The following TMCC3 variants were observed in gnomAD, a reference collection of about 807,000 sequenced individuals.
TMCC3 encodes transmembrane and coiled-coil domain family 3, also known as transmembrane and coiled-coil domain protein 3.
Under a neutral mutation model 40.2 loss-of-function variants are expected in TMCC3, and 28 were observed. That is an observed-to-expected ratio of 0.70 (90% CI 0.52 to 0.95). TMCC3 has a LOEUF of 0.95. Ranked by LOEUF, TMCC3 falls within the 40% of genes least tolerant of loss-of-function variation. The pLI is 0.00. For synonymous variants in TMCC3, 255 were observed against 248.5 expected, an observed-to-expected ratio of 1.03 and a Z score of -0.25; for missense variants, 554 against 615.2, an observed-to-expected ratio of 0.90 and a Z score of 1.05.
chr12:94,571,170 G>T lies in TMCC3; in HGVS notation c.*265C>A. 1 of 486,464 alleles carries T rather than the reference G, an allele frequency of 2.1e-6. No individual in the cohort carries two copies. The highest frequency in any genetic ancestry group is 3.7e-6 in the Non-Finnish European group (1 of 269,262). 30.1% of individuals were successfully genotyped at this position (486,464 alleles called of 1,614,324 possible). ...TCAATATACAGAGGTTTACCACGCT[G>T]GGCTGGTCAGGTGGGCAGGAAATCG... On this transcript the variant is annotated 3_prime_UTR_variant, in exon 4 of 4. Coordinates refer to ENST00000261226, the MANE Select transcript of TMCC3 (RefSeq NM_020698.4).
At chr12:94,594,047 A>G (rs2068699874) in intron 1 of TMCC3, among the ~76,000 whole-genome samples, 1 of 152,118 alleles carries the variant, frequency 6.6e-6, no homozygotes, top group South Asian at 2.1e-4. Context: ...CAACACCCAA[A>G]AAAGGCAACT....
intron 1 of TMCC3, chr12:94,609,839 A>T (rs2068804822): frequency 6.6e-6 from 1 of 152,316 alleles, no homozygotes. Flanking sequence ...GTAGTTCCAG[A>T]AATCACGTGT....
At chr12:94,650,038 G>A (rs1450771809) in intron 1 of TMCC3, among the ~76,000 whole-genome samples, 1 of 152,144 alleles carries the variant, frequency 6.6e-6, no homozygotes, top group African/African-American at 2.4e-5. Flanking sequence ...TTCCCTCGCG[G>A]AGCGGCGGGC....
intron 1 of TMCC3, among the ~76,000 whole-genome samples, chr12:94,623,079 A>G (rs1407065479): frequency 6.6e-6 from 1 of 151,212 alleles, no homozygotes; most frequent in Non-Finnish European, 1.5e-5. Context: ...TGTTTAGCAA[A>G]CATGTGTCAA....
In TMCC3 at chr12:94,571,344, G is replaced by A. The variant is rs750453569; in HGVS notation, c.*91C>T. On this transcript the variant is annotated 3_prime_UTR_variant, in exon 4 of 4. Coordinates refer to ENST00000261226, the MANE Select transcript of TMCC3 (RefSeq NM_020698.4). ...CCTAGTTTTTCTTACACACGAGTCC[G>A]CACAATCATTCACTGTAAAATTTGG... is the stretch of plus-strand genomic sequence containing the variant. 283 of 1,343,868 alleles carry A rather than the reference G, an allele frequency of 2.1e-4. No individual in the cohort carries two copies. Among genetic ancestry groups the A allele is most frequent in the Non-Finnish European group, 1.6e-4 (156 of 973,676 alleles). 83.2% of individuals were successfully genotyped at this position (1,343,868 alleles called of 1,614,324 possible).
intron 1 of TMCC3, among the ~76,000 whole-genome samples, chr12:94,633,435 A>G (rs1049562007): frequency 2.0e-5 from 3 of 152,218 alleles, no homozygotes; most frequent in Non-Finnish European, 4.4e-5. Context: ...TATGGGTATC[A>G]TAGTTTTAAA....
chr12:94,575,299 A>C (rs1335160080), intron 3 of TMCC3, among the ~76,000 whole-genome samples: 1 of 152,236 alleles, frequency 6.6e-6, no homozygotes, highest in Admixed American at 6.5e-5. Flanking sequence ...ATGTAATAAA[A>C]AGAATGGACA....
intron 3 of TMCC3, among the ~76,000 whole-genome samples, chr12:94,572,968 A>G (rs1426675753): frequency 1.3e-5 from 2 of 152,134 alleles, no homozygotes; most frequent in African/African-American, 2.4e-5. Flanking sequence ...AGATGGCTAC[A>G]AGTGTATCTC....
At chr12:94,619,876 C>T (rs1050086796) in intron 1 of TMCC3, among the ~76,000 whole-genome samples, 3 of 152,130 alleles carry the variant, frequency 2.0e-5, no homozygotes, top group African/African-American at 7.2e-5. Context: ...AGAAACATAA[C>T]ATTGCAGCCA....
At chr12:94,571,764 C>T in intron 3 of TMCC3, 27 bp from the exon 4 acceptor site, 11 of 1,609,820 alleles carry the variant, frequency 6.8e-6, no homozygotes, top group Non-Finnish European at 9.3e-6. Context: ...GAGCAAGGGT[C>T]AAACGGTGTT....
At chr12:94,644,249 T>C (rs1594301945) in intron 1 of TMCC3, 1 of 281,264 alleles carries the variant, frequency 3.6e-6, no homozygotes, top group African/African-American at 2.3e-5. Context: ...CAGTGATTCA[T>C]GGTTCTCTTC....
Position 94,569,074 on chromosome 12 carries a change from G to C in TMCC3, c.*2361C>G, listed in dbSNP as rs2068511208. ...GCTGAGCACTGGAATGGTGTGGGCT[G>C]GTGTGAAAATGAAGCCTACGTCTTC... On this transcript the variant is annotated 3_prime_UTR_variant, in exon 4 of 4. Transcript: ENST00000261226. 6.6e-6 allele frequency: 1 copy of C among 152,208 alleles called. No individual in the cohort carries two copies. The highest frequency in any genetic ancestry group is 2.4e-5 in the African/African-American group (1 of 41,460). The allele number at this position is 152,208 out of a possible 1,614,324, so 9.4% of individuals were successfully genotyped here.
intron 1 of TMCC3, among the ~76,000 whole-genome samples, chr12:94,636,144 A>AT (rs952821728): frequency 1.2e-4 from 19 of 152,244 alleles, no homozygotes; most frequent in Non-Finnish European, 2.1e-4. Flanking sequence ...ACAGCGGTAT[A>AT]TTTTTAAAGA....
chr12:94,634,098 C>T lies in TMCC3; in HGVS notation c.78+16255G>A, dbSNP rs572966162. Among the ~76,000 whole-genome samples, 20 of 152,150 alleles carry T rather than the reference C, an allele frequency of 1.3e-4. No individual in the cohort carries two copies. In the East Asian group the frequency reaches 2.7e-3, roughly 21 times the overall value. On this transcript the variant is annotated intron_variant, in intron 1 of 3. Transcript: ENST00000261226. ...AGTAGCTGAGATTACAGGTGCCCGC[C>T]ATCACCAGCTAATGTTTTGTATTTT...
intron 1 of TMCC3, among the ~76,000 whole-genome samples, chr12:94,602,139 C>T (rs193228319): frequency 1.2e-4 from 18 of 152,314 alleles, no homozygotes; most frequent in East Asian, 1.2e-3. Context: ...TTCTGAAGAA[C>T]GTTCTGTGGT....
Position 94,571,243 on chromosome 12 carries a change from G to C in TMCC3, c.*192C>G, listed in dbSNP as rs1184660459. ...GGTAGGAGAGCTCTGAAACAGATTCGTGTTAACGAAGTACAAGGACTGAGT... is the reference window on the plus strand; with the variant it reads ...GGTAGGAGAGCTCTGAAACAGATTCCTGTTAACGAAGTACAAGGACTGAGT... On this transcript the variant is annotated 3_prime_UTR_variant, in exon 4 of 4. Transcript: ENST00000261226. 2 of 629,452 alleles carry C rather than the reference G, an allele frequency of 3.2e-6. No individual in the cohort carries two copies. Among genetic ancestry groups the C allele is most frequent in the Non-Finnish European group, 5.4e-6 (2 of 368,242 alleles). 39.0% of individuals were successfully genotyped at this position (629,452 alleles called of 1,614,324 possible).
At chr12:94,625,045 G>C (rs1196837448) in intron 1 of TMCC3, among the ~76,000 whole-genome samples, 35 of 151,762 alleles carry the variant, frequency 2.3e-4, no homozygotes, top group Non-Finnish European at 1.5e-5. Context: ...GGGAGGCTGA[G>C]GCAGGAGAAT....
chr12:94,622,908 C>G (rs1036169445), intron 1 of TMCC3, among the ~76,000 whole-genome samples: 4 of 151,670 alleles, frequency 2.6e-5, no homozygotes, highest in African/African-American at 9.7e-5. Context: ...TTTATGTAGG[C>G]TCACCTGAAC....
chr12:94,640,161 C>T (rs1403282551), intron 1 of TMCC3, among the ~76,000 whole-genome samples: 4 of 152,148 alleles, frequency 2.6e-5, no homozygotes, highest in African/African-American at 9.7e-5. Flanking sequence ...TCTAACATTG[C>T]TCCAACACTT....
Sources: allele counts gnomAD v4.1 joint callset (sites outside exome capture counted in the v4.1 genomes callset), GRCh38; gene constraint gnomAD v4.1.1; transcripts MANE v1.5; gene names NCBI Gene and HGNC (gene_info 2026-07-23, HGNC 2026-07-21).